MRE11: variants seen among roughly 807,000 people sequenced by gnomAD.
The protein encoded by MRE11 is MRE11 double strand break repair nuclease.
In MRE11, 62 loss-of-function variants were observed where a neutral mutation model predicts 91.7. The observed-to-expected ratio is 0.68, with a 90% CI of 0.55 to 0.84. The LOEUF is 0.84. Among genes scored for constraint, MRE11 ranks in the 40% least tolerant of loss-of-function variants. MRE11 has a pLI of 0.00. For synonymous variants in MRE11, 273 were observed against 271.4 expected (o/e 1.01, Z -0.06); for missense variants, 796 against 852.9 (o/e 0.93, Z 0.83).
chr11:94,425,772 C>T (rs969704330), intron 19 of MRE11, among the ~76,000 whole-genome samples: 12 of 152,088 alleles, frequency 7.9e-5, no homozygotes, highest in Non-Finnish European at 1.3e-4. Context: ...TAATGATAAA[C>T]GGTTTGATTC....
chr11:94,459,723 C>T (rs1166674453), intron 12 of MRE11, 142 bp from the exon 13 acceptor site: 2 of 914,518 alleles, frequency 2.2e-6, no homozygotes, highest in African/African-American at 1.7e-5. Flanking sequence ...ATATCAGGAA[C>T]CAGAAAAAGC....
upstream of MRE11, chr11:94,496,757 G>C: frequency 6.2e-7 from 1 of 1,612,350 alleles, no homozygotes; most frequent in South Asian, 1.1e-5. Context: ...GGATTTTTCT[G>C]AACACTTTAA....
intron 14 of MRE11, 58 bp downstream of exon 14, chr11:94,456,218 G>A (rs1946244447): frequency 1.3e-6 from 2 of 1,499,784 alleles, no homozygotes; most frequent in Admixed American, 1.7e-5. Flanking sequence ...AAACCTACTG[G>A]TTATTCTAGT....
chr11:94,447,477 T>C, intron 14 of MRE11, 39 bp from the exon 15 acceptor site: 4 of 1,566,834 alleles, frequency 2.6e-6, no homozygotes, highest in Non-Finnish European at 3.5e-6. Flanking sequence ...CACAATGAGA[T>C]AACGTACCAT....
Position 94,429,975 on chromosome 11 carries a change from G to T in MRE11, c.2006C>A (p.Thr669Lys). The stretch of plus-strand genomic sequence containing the variant: ...CTGGGACATGATTTTGCTGGATGAT[G>T]TGCTGGACCACCTGAGGCAAAACAA... ...TSKTDQRWSS[T>K]SSSKIMSQSQ... Residue 669 changes from threonine to lysine, a missense_variant, in exon 19 of 20, where the codon ACA (threonine) becomes AAA (lysine). Coordinates refer to ENST00000323929, the MANE Select transcript of MRE11 (RefSeq NM_005591.4). The T allele has an allele frequency of 6.2e-7, 1 of 1,614,050 alleles. No individual in the cohort carries two copies. Among genetic ancestry groups the T allele is most frequent in the South Asian group, 1.1e-5 (1 of 91,076 alleles).
At chr11:94,440,491 G>A (rs866695418) in intron 16 of MRE11, among the ~76,000 whole-genome samples, 1 of 151,952 alleles carries the variant, frequency 6.6e-6, no homozygotes, top group African/African-American at 2.4e-5. Flanking sequence ...GGAATTACCA[G>A]GCCAAAACTG....
At chr11:94,459,373 T>C in intron 13 of MRE11, 35 bp downstream of exon 13, 1 of 1,610,660 alleles carries the variant, frequency 6.2e-7, no homozygotes, top group South Asian at 1.1e-5. Flanking sequence ...GACAGACTAT[T>C]TAAATAGACC....
In MRE11 at chr11:94,471,587, C is replaced by A. The variant is rs1160887570; in HGVS notation, c.832G>T (p.Glu278Ter). 6.2e-7 allele frequency: 1 copy of A among 1,612,434 alleles called. No homozygotes were observed. Among genetic ancestry groups the A allele is most frequent in the Admixed American group, 1.7e-5 (1 of 59,910 alleles). Residue 278 changes from glutamate to a stop codon, truncating the protein, a stop_gained, in exon 8 of 20, where the codon GAA becomes TAA. Coordinates refer to ENST00000323929, the MANE Select transcript of MRE11 (RefSeq NM_005591.4). LOFTEE classifies it high-confidence loss of function. ...SSVVTSLSPGEAVKKHVGLLR... is the reference protein window; with the variant it reads ...SSVVTSLSPG The stretch of plus-strand genomic sequence containing the variant: ...TATAACACTCACTTCTTTACAGCTT[C>A]TCCTGGGGAAAGAGAAGTAACCACT...
chr11:94,435,335 G>T (rs551149884), intron 18 of MRE11, among the ~76,000 whole-genome samples: 1 of 152,072 alleles, frequency 6.6e-6, no homozygotes, highest in African/African-American at 2.4e-5. Flanking sequence ...TGGGTGGATC[G>T]CCTGAGCTCA....
intron 14 of MRE11, among the ~76,000 whole-genome samples, chr11:94,448,107 AAAT>A (rs1342852465): frequency 6.6e-6 from 1 of 152,184 alleles, no homozygotes; most frequent in East Asian, 1.9e-4. Flanking sequence ...GGCTCCTAGG[AAAT>A]AATAAGAAAA....
intron 16 of MRE11, among the ~76,000 whole-genome samples, chr11:94,443,014 T>C (rs1945827348): frequency 6.6e-6 from 1 of 152,228 alleles, no homozygotes; most frequent in African/African-American, 2.4e-5. Context: ...TACTAAATAA[T>C]ACTTGAGTAA....
intron 8 of MRE11, 28 bp from the exon 9 acceptor site, chr11:94,470,670 T>C: frequency 6.2e-7 from 1 of 1,610,758 alleles, no homozygotes; most frequent in Non-Finnish European, 8.5e-7. Context: ...GAACACCGAG[T>C]CACAGTGTAA....
chr11:94,457,696 A>G (rs1461920272), intron 13 of MRE11, among the ~76,000 whole-genome samples: 3 of 152,038 alleles, frequency 2.0e-5, no homozygotes, highest in Non-Finnish European at 4.4e-5. Context: ...CCTTACAACA[A>G]CCTTGAAGGA....
chr11:94,502,941 C>T, the MRE11 span, among the ~76,000 whole-genome samples: 1 of 152,128 alleles, frequency 6.6e-6, no homozygotes, highest in Non-Finnish European at 1.5e-5. Context: ...TCCCAAAGTG[C>T]TGGGATTACA....
At chr11:94,453,157 T>G (rs1946159202) in intron 14 of MRE11, among the ~76,000 whole-genome samples, 1 of 152,186 alleles carries the variant, frequency 6.6e-6, no homozygotes, top group Non-Finnish European at 1.5e-5. Flanking sequence ...TGTATCAGAA[T>G]GTCATTCCTT....
chr11:94,440,773 CTCT>C (rs1288789128), intron 16 of MRE11, among the ~76,000 whole-genome samples: 3 of 152,168 alleles, frequency 2.0e-5, no homozygotes, highest in African/African-American at 4.8e-5. Context: ...CTTTTTCTCT[CTCT>C]TCTTTTCTCC....
chr11:94,449,744 A>G (rs1429898441), intron 14 of MRE11, among the ~76,000 whole-genome samples: 1 of 152,232 alleles, frequency 6.6e-6, no homozygotes, highest in Admixed American at 6.5e-5. Context: ...GAGATAGCCT[A>G]TTGCTCCTTG....
At chr11:94,511,405 C>T in the MRE11 span, among the ~76,000 whole-genome samples, 1 of 152,124 alleles carries the variant, frequency 6.6e-6, no homozygotes, top group Non-Finnish European at 1.5e-5. Context: ...TTATAAATTA[C>T]CCAGTTTCAG....
At chr11:94,476,432 T>A (rs773856882) in intron 6 of MRE11, 29 bp from the exon 7 acceptor site, 4 of 1,450,846 alleles carry the variant, frequency 2.8e-6, no homozygotes, top group Non-Finnish European at 3.9e-6. Flanking sequence ...TATTTTTAAA[T>A]TGTTTTCTTA....
Sources: allele counts gnomAD v4.1 joint callset (sites outside exome capture counted in the v4.1 genomes callset), GRCh38; gene constraint gnomAD v4.1.1; transcripts MANE v1.5; gene names NCBI Gene and HGNC (gene_info 2026-07-23, HGNC 2026-07-21).